The following ZYG11B variants were observed in gnomAD, a reference collection of about 807,000 sequenced individuals.
ZYG11B encodes protein zyg-11 homolog B.
In ZYG11B, 36 loss-of-function variants were observed where a neutral mutation model predicts 82.4. The observed-to-expected ratio is 0.44, with a 90% CI of 0.33 to 0.58. The LOEUF (loss-of-function observed/expected upper bound fraction) is 0.58, where lower values mean the gene tolerates loss of function less well. ZYG11B is among the 20% of genes least tolerant of loss of function. The pLI, the probability that ZYG11B is intolerant of heterozygous loss-of-function variation, is 0.02. For missense variants in ZYG11B, 552 were observed against 895.6 expected (o/e 0.62, Z 4.90); for synonymous variants, 303 against 312.8 (o/e 0.97, Z 0.33).
At position 52,826,428 on chromosome 1, in the gene ZYG11B, C is replaced by G. The variant is rs773670016; in HGVS notation, c.*4799C>G. ...GGAATAATGCAAAACCAACCTTCGT[C>G]CGGTGATGAGAATAGCCGTATGATA... On this transcript the variant is annotated 3_prime_UTR_variant, in exon 14 of 14. Coordinates refer to ENST00000294353, the MANE Select transcript of ZYG11B (RefSeq NM_024646.3). 3 of 152,214 alleles carry G rather than the reference C, an allele frequency of 2.0e-5. No homozygotes were observed. Among genetic ancestry groups the G allele is most frequent in the Non-Finnish European group, 2.9e-5 (2 of 68,054 alleles). 9.4% of individuals were successfully genotyped at this position (152,214 alleles called of 1,614,324 possible). A position where few individuals can be genotyped will look rare whatever the true frequency, so the allele number is the denominator to read the frequency against.
intron 10 of ZYG11B, 116 bp from the exon 11 acceptor site, chr1:52,813,420 G>A: frequency 1.3e-6 from 1 of 772,724 alleles, no homozygotes; most frequent in East Asian, 2.8e-5. Context: ...TTCTCTCAGG[G>A]AAATACTTTT....
chr1:52,737,296 C>T (rs142546586), intron 1 of ZYG11B, among the ~76,000 whole-genome samples: 1,672 of 152,262 alleles, frequency 0.011, 10 homozygotes, highest in Non-Finnish European at 0.017. Context: ...CTCTCCTGTA[C>T]AGTGTATGTG....
At chr1:52,815,743 GCTAA>G (rs1645218084) in intron 12 of ZYG11B, among the ~76,000 whole-genome samples, 4 of 152,102 alleles carry the variant, frequency 2.6e-5, no homozygotes, top group Middle Eastern at 6.9e-3. Flanking sequence ...GACTATCCTG[GCTAA>G]CGTGGTGAAA....
intron 10 of ZYG11B, among the ~76,000 whole-genome samples, chr1:52,807,383 T>C (rs978392860): frequency 9.2e-5 from 14 of 152,132 alleles, no homozygotes; most frequent in African/African-American, 3.4e-4. Context: ...ACATACTTAC[T>C]GTTTTTTGTA....
At chr1:52,760,948 A>G (rs2149932512) in intron 2 of ZYG11B, among the ~76,000 whole-genome samples, 1 of 151,840 alleles carries the variant, frequency 6.6e-6, no homozygotes, top group East Asian at 1.9e-4. Context: ...TTTTTAGTAG[A>G]GACAGGGTTT....
intron 2 of ZYG11B, among the ~76,000 whole-genome samples, chr1:52,769,783 C>CAT (rs1443745379): frequency 9.2e-5 from 14 of 152,270 alleles, no homozygotes; most frequent in African/African-American, 3.4e-4. Flanking sequence ...GCTAAGATGC[C>CAT]GCCTTAGAGT....
At position 52,803,205 on chromosome 1, in the gene ZYG11B, C is replaced by CACATATATATATATAT. The variant is rs1645104197; in HGVS notation, c.1695+1069_1695+1070insTATATATATATATACA. ...ATATATATACACATATATATATATACACACACATATATATATATACACACA... is the reference window on the plus strand; with the variant it reads ...ATATATATACACATATATATATATACACATATATATATATATACACACATATATATATATACACACA... On this transcript the variant is annotated intron_variant, in intron 10 of 13. Transcript: ENST00000294353. 1.8e-4 allele frequency among the ~76,000 whole-genome samples: 8 copies of CACATATATATATATAT among 45,606 alleles called. 3 individuals carry two copies. The highest frequency in any genetic ancestry group is 7.5e-5 in the Non-Finnish European group (2 of 26,792). 29.9% of individuals were successfully genotyped at this position (45,606 alleles called of 152,430 possible).
intron 6 of ZYG11B, among the ~76,000 whole-genome samples, chr1:52,795,257 C>G (rs1644997979): frequency 6.6e-6 from 1 of 152,152 alleles, no homozygotes; most frequent in African/African-American, 2.4e-5. Flanking sequence ...CGGCTTTGCC[C>G]TTCCATCTCC....
chr1:52,805,424 A>G (rs1645134076), intron 10 of ZYG11B: 3 of 455,192 alleles, frequency 6.6e-6, no homozygotes, highest in South Asian at 1.6e-5. Flanking sequence ...AATGTCCAGT[A>G]ATAGAGGAAT....
chr1:52,738,105 G>A (rs1177992520), intron 1 of ZYG11B, among the ~76,000 whole-genome samples: 1 of 152,214 alleles, frequency 6.6e-6, no homozygotes, highest in East Asian at 1.9e-4. Flanking sequence ...ATTTGTAGAG[G>A]TGTTCTTCCA....
intron 1 of ZYG11B, among the ~76,000 whole-genome samples, chr1:52,735,623 GC>G (rs1442937764): frequency 1.3e-5 from 2 of 151,910 alleles, no homozygotes; most frequent in Non-Finnish European, 1.5e-5. Flanking sequence ...TGCAGCCTCC[GC>G]CTCCCGAGTT....
Position 52,823,591 on chromosome 1 carries a change from A to G in ZYG11B, c.*1962A>G, listed in dbSNP as rs1303356127. 6.7e-6 allele frequency: 1 copy of G among 149,888 alleles called. No homozygotes were observed. The highest frequency in any genetic ancestry group is 1.5e-5 in the Non-Finnish European group (1 of 67,792). The allele number at this position is 149,888 out of a possible 1,614,324, so 9.3% of individuals were successfully genotyped here. A position where few individuals can be genotyped will look rare whatever the true frequency, so the allele number is the denominator to read the frequency against. On this transcript the variant is annotated 3_prime_UTR_variant, in exon 14 of 14. Coordinates refer to ENST00000294353, the MANE Select transcript of ZYG11B (RefSeq NM_024646.3). The stretch of plus-strand genomic sequence containing the variant: ...TTCAGAAAACGAGATGGCCTGTGGT[A>G]GTTTGGAAATTGCTAGATATGTTGA...
intron 1 of ZYG11B, among the ~76,000 whole-genome samples, chr1:52,745,530 A>G (rs1456733333): frequency 6.6e-6 from 1 of 152,140 alleles, no homozygotes; most frequent in Non-Finnish European, 1.5e-5. Context: ...CATAGGGGAT[A>G]TGGAGATGTA....
chr1:52,738,985 CTT>C (rs10643364), intron 1 of ZYG11B, among the ~76,000 whole-genome samples: 9 of 106,246 alleles, frequency 8.5e-5, no homozygotes, highest in Non-Finnish European at 1.2e-4. Context: ...GCCCTGTAAC[CTT>C]TTTTTTTTTT....
At chr1:52,755,984 G>T (rs1286876637) in intron 1 of ZYG11B, among the ~76,000 whole-genome samples, 2 of 152,076 alleles carry the variant, frequency 1.3e-5, no homozygotes, top group African/African-American at 2.4e-5. Flanking sequence ...ATTTTTAGTG[G>T]AGATGGGGTT....
chr1:52,808,116 A>C (rs1404476468), intron 10 of ZYG11B, among the ~76,000 whole-genome samples: 2 of 152,142 alleles, frequency 1.3e-5, no homozygotes, highest in Non-Finnish European at 2.9e-5. Flanking sequence ...GAATCCCAGC[A>C]CTTTGGGAGG....
chr1:52,768,341 C>A (rs560198452), intron 2 of ZYG11B, among the ~76,000 whole-genome samples: 12 of 152,124 alleles, frequency 7.9e-5, no homozygotes, highest in African/African-American at 2.9e-4. Context: ...CAAGGTCCCC[C>A]CTAGCTGATC....
intron 4 of ZYG11B, among the ~76,000 whole-genome samples, chr1:52,783,774 T>TA (rs1644877384): frequency 1.1e-5 from 1 of 90,484 alleles, no homozygotes; most frequent in Non-Finnish European, 2.3e-5. Context: ...AGGCGTGTAC[T>TA]ACCATGCCCA....
chr1:52,808,160 C>T (rs1003681473), intron 10 of ZYG11B, among the ~76,000 whole-genome samples: 2 of 152,082 alleles, frequency 1.3e-5, no homozygotes, highest in Non-Finnish European at 2.9e-5. Flanking sequence ...GTCAGGAGTT[C>T]GAGACCAGCC....
Sources: allele counts gnomAD v4.1 joint callset (sites outside exome capture counted in the v4.1 genomes callset), GRCh38; gene constraint gnomAD v4.1.1; transcripts MANE v1.5; gene names NCBI Gene and HGNC (gene_info 2026-07-23, HGNC 2026-07-21).